The following CAMK2D variants were observed in gnomAD, a reference collection of about 807,000 sequenced individuals.
CAMK2D encodes calcium/calmodulin-dependent protein kinase type II subunit delta.
A neutral mutation model predicts 84.0 loss-of-function variants in CAMK2D; 37 were observed. That is an observed-to-expected ratio of 0.44 (90% CI 0.34 to 0.58). CAMK2D has a LOEUF of 0.58. Among genes scored for constraint, CAMK2D ranks in the 20% least tolerant of loss-of-function variants. The pLI, the probability that CAMK2D is intolerant of heterozygous loss-of-function variation, is 0.02. For synonymous variants in CAMK2D, 202 were observed against 212.5 expected (o/e 0.95, Z 0.43); for missense variants, 448 against 652.5 (o/e 0.69, Z 3.41).
At chr4:113,499,238 T>C (rs17592039) in intron 16 of CAMK2D, among the ~76,000 whole-genome samples, 9,397 of 152,228 alleles carry the variant, frequency 0.062, 590 homozygotes, top group East Asian at 0.21. Context: ...TTAGCTTAAG[T>C]GCAAAGAGTG....
intron 16 of CAMK2D, among the ~76,000 whole-genome samples, chr4:113,496,108 TCA>T (rs1475635605): frequency 6.6e-6 from 1 of 152,180 alleles, no homozygotes; most frequent in Admixed American, 6.5e-5. Flanking sequence ...AGGACGGTCT[TCA>T]CATGTATACA....
chr4:113,488,228 AATC>A (rs1490047689), intron 16 of CAMK2D, among the ~76,000 whole-genome samples: 1 of 152,198 alleles, frequency 6.6e-6, no homozygotes, highest in African/African-American at 2.4e-5. Context: ...AAAGTTTTAT[AATC>A]AACATTTATG....
chr4:113,761,656 CG>C lies in CAMK2D; in HGVS notation c.-589del. Reference sequence around the variant, plus strand: ...CCGGCTTCCCTCCGGCGGGCGGCAGCGGCTCCGGCGAAGCGAGGCACCTTGG... The same window carrying C: ...CCGGCTTCCCTCCGGCGGGCGGCAGCGCTCCGGCGAAGCGAGGCACCTTGG... On this transcript the variant is annotated 5_prime_UTR_variant, in exon 1 of 21. Transcript: ENST00000511664. 1 of 985,016 alleles carries C rather than the reference CG, an allele frequency of 1.0e-6. No homozygotes were observed. Among genetic ancestry groups the C allele is most frequent in the African/African-American group, 1.7e-5 (1 of 57,310 alleles). The allele number at this position is 985,016 out of a possible 1,614,324, so 61.0% of individuals were successfully genotyped here. A position where few individuals can be genotyped will look rare whatever the true frequency, so the allele number is the denominator to read the frequency against.
At chr4:113,714,522 G>A (rs2099507582) in intron 2 of CAMK2D, among the ~76,000 whole-genome samples, 1 of 152,074 alleles carries the variant, frequency 6.6e-6, no homozygotes, top group Non-Finnish European at 1.5e-5. Context: ...AACAGCAGGT[G>A]CAAGAGATGC....
At chr4:113,504,819 T>C (rs533094706) in intron 14 of CAMK2D, among the ~76,000 whole-genome samples, 157 bp downstream of exon 14, 1 of 104,042 alleles carries the variant, frequency 9.6e-6, no homozygotes, top group South Asian at 2.8e-4. Context: ...AACTTGGTCA[T>C]ATCATAGAAA....
At chr4:113,745,388 C>T (rs1023083798) in intron 2 of CAMK2D, among the ~76,000 whole-genome samples, 1 of 152,174 alleles carries the variant, frequency 6.6e-6, no homozygotes, top group Non-Finnish European at 1.5e-5. Context: ...CACTAGGCTA[C>T]ACTGAATTCT....
At chr4:113,549,068 T>C (rs2098604702) in intron 5 of CAMK2D, among the ~76,000 whole-genome samples, 1 of 152,208 alleles carries the variant, frequency 6.6e-6, no homozygotes, top group Non-Finnish European at 1.5e-5. Context: ...CATAATGTTC[T>C]GGGAAAATTC....
At chr4:113,752,444 A>G (rs897746903) in intron 2 of CAMK2D, among the ~76,000 whole-genome samples, 3 of 152,102 alleles carry the variant, frequency 2.0e-5, no homozygotes, top group African/African-American at 7.2e-5. Context: ...TTTTCTTTAA[A>G]TTGCCACATT....
At chr4:113,518,481 G>A (rs1257460664) in intron 8 of CAMK2D, among the ~76,000 whole-genome samples, 1 of 152,136 alleles carries the variant, frequency 6.6e-6, no homozygotes, top group Non-Finnish European at 1.5e-5. Flanking sequence ...AAATGTCTGA[G>A]ATTGTTTTGA....
At chr4:113,549,626 T>A (rs1326709424) in intron 5 of CAMK2D, among the ~76,000 whole-genome samples, 2 of 152,182 alleles carry the variant, frequency 1.3e-5, no homozygotes, top group East Asian at 3.8e-4. Context: ...GCAGAACACA[T>A]CACACTGATG....
intron 2 of CAMK2D, among the ~76,000 whole-genome samples, chr4:113,706,795 C>A (rs1041007500): frequency 6.6e-6 from 1 of 152,120 alleles, no homozygotes; most frequent in Non-Finnish European, 1.5e-5. Flanking sequence ...GAAAACTCTA[C>A]GTAATTAATG....
At chr4:113,502,459 CAA>C (rs201097741) in intron 15 of CAMK2D, among the ~76,000 whole-genome samples, 4 of 73,716 alleles carry the variant, frequency 5.4e-5, no homozygotes, top group Admixed American at 2.2e-4. Flanking sequence ...AACCAAAAAC[CAA>C]AAAAAAAAAA....
chr4:113,608,103 T>C (rs2098985576), intron 4 of CAMK2D, among the ~76,000 whole-genome samples: 1 of 152,218 alleles, frequency 6.6e-6, no homozygotes, highest in African/African-American at 2.4e-5. Flanking sequence ...ACCCTTTTTC[T>C]GCCTTTGGAA....
intron 16 of CAMK2D, among the ~76,000 whole-genome samples, chr4:113,473,764 C>A (rs1230814084): frequency 6.6e-6 from 1 of 151,976 alleles, no homozygotes. Context: ...ATTGCTATAG[C>A]CTAATAATAA....
chr4:113,596,752 T>A (rs2098928729), intron 4 of CAMK2D, among the ~76,000 whole-genome samples: 1 of 152,152 alleles, frequency 6.6e-6, no homozygotes, highest in Non-Finnish European at 1.5e-5. Flanking sequence ...TGCTGTCGTC[T>A]CGGCTTTGTT....
intron 3 of CAMK2D, among the ~76,000 whole-genome samples, chr4:113,620,496 T>A (rs1190801467): frequency 1.3e-5 from 2 of 151,982 alleles, no homozygotes; most frequent in African/African-American, 4.8e-5. Flanking sequence ...TAAACTTTCT[T>A]ATTTTTTTAC....
intron 2 of CAMK2D, among the ~76,000 whole-genome samples, chr4:113,709,019 G>A (rs946588290): frequency 6.6e-6 from 1 of 152,046 alleles, no homozygotes; most frequent in Non-Finnish European, 1.5e-5. Context: ...ACCGCGCCTG[G>A]CCCAAAACAG....
chr4:113,759,421 A>T lies in CAMK2D; in HGVS notation c.66-7T>A. 1 of 1,533,490 alleles carries T rather than the reference A, an allele frequency of 6.5e-7. No homozygotes were observed. The highest frequency in any genetic ancestry group is 9.0e-7 in the Non-Finnish European group (1 of 1,115,446). 95.0% of individuals were successfully genotyped at this position (1,533,490 alleles called of 1,614,324 possible). On this transcript the variant is annotated splice_region_variant and splice_polypyrimidine_tract_variant and intron_variant, in intron 1 of 20. Coordinates refer to ENST00000511664, the MANE Select transcript of CAMK2D (RefSeq NM_001321571.2). ...CACCACTGAGAATGCCCCCCTGGAA[A>T]CCAATAATTAGCAGGTCATTAATAT...
intron 16 of CAMK2D, among the ~76,000 whole-genome samples, chr4:113,474,594 A>G (rs1398525146): frequency 7.4e-6 from 1 of 135,018 alleles, no homozygotes; most frequent in Admixed American, 8.9e-5. Flanking sequence ...AATCAATTTT[A>G]TATTAGTCAA....
Sources: allele counts gnomAD v4.1 joint callset (sites outside exome capture counted in the v4.1 genomes callset), GRCh38; gene constraint gnomAD v4.1.1; transcripts MANE v1.5; gene names NCBI Gene and HGNC (gene_info 2026-07-23, HGNC 2026-07-21).